FGF7: variants seen among roughly 807,000 people sequenced by gnomAD.
The protein encoded by FGF7 is fibroblast growth factor 7, also known as FGF-7.
FGF7 carries 6 observed loss-of-function variants against 20.5 expected under a neutral mutation model. The observed-to-expected ratio is 0.29, with a 90% confidence interval of 0.16 to 0.58. The LOEUF (loss-of-function observed/expected upper bound fraction) is 0.58. Among genes scored for constraint, FGF7 ranks in the 20% least tolerant of loss-of-function variants. The pLI is 0.90. For missense variants in FGF7, 144 were observed against 228.8 expected (o/e 0.63, Z 2.39); for synonymous variants, 64 against 74.7 (o/e 0.86, Z 0.74).
intron 2 of FGF7, among the ~76,000 whole-genome samples, chr15:49,441,830 C>T (rs924856973): frequency 2.0e-5 from 3 of 151,336 alleles, no homozygotes; most frequent in Admixed American, 6.6e-5. Flanking sequence ...CTATCAGTCA[C>T]ATGACTAATT....
chr15:49,466,601 A>G lies in FGF7; in HGVS notation c.287-16550A>G, dbSNP rs563022882. 1.2e-4 allele frequency among the ~76,000 whole-genome samples: 18 copies of G among 152,284 alleles called. No individual in the cohort carries two copies. In the South Asian group the frequency reaches 3.5e-3, roughly 30 times the overall value. On this transcript the variant is annotated intron_variant, in intron 2 of 3. Transcript: ENST00000267843. ...TAACATATATCTTATGAATACATAA[A>G]GGGTTAAAGTCAGAAGGGCTGGAGG...
At chr15:49,461,940 C>T (rs2053835607) in intron 2 of FGF7, among the ~76,000 whole-genome samples, 1 of 152,138 alleles carries the variant, frequency 6.6e-6, no homozygotes, top group Non-Finnish European at 1.5e-5. Flanking sequence ...GAGGCCGAAG[C>T]AGGCAGATTA....
intron 2 of FGF7, among the ~76,000 whole-genome samples, chr15:49,442,082 TA>T (rs1236859643): frequency 6.6e-6 from 1 of 151,656 alleles, no homozygotes; most frequent in Non-Finnish European, 1.5e-5. Context: ...TAAGAAGCAA[TA>T]AAAACTTCAG....
intron 2 of FGF7, among the ~76,000 whole-genome samples, chr15:49,441,729 CTTA>C (rs2051666446): frequency 6.6e-6 from 1 of 151,436 alleles, no homozygotes; most frequent in Non-Finnish European, 1.5e-5. Context: ...ATTCATAATT[CTTA>C]TTCTTTATTA....
chr15:49,436,840 T>C (rs2051151229), intron 2 of FGF7, among the ~76,000 whole-genome samples: 1 of 151,714 alleles, frequency 6.6e-6, no homozygotes, highest in Admixed American at 6.6e-5. Flanking sequence ...TATCAAGCAG[T>C]GGGATAATTT....
intron 2 of FGF7, among the ~76,000 whole-genome samples, chr15:49,459,192 T>C (rs993528875): frequency 2.6e-5 from 4 of 151,786 alleles, no homozygotes; most frequent in East Asian, 1.9e-4. Flanking sequence ...CACATTGTAA[T>C]TGATGTGCAG....
intron 2 of FGF7, among the ~76,000 whole-genome samples, chr15:49,443,350 C>T (rs531652704): frequency 2.1e-4 from 32 of 151,128 alleles, no homozygotes; most frequent in African/African-American, 7.3e-4. Flanking sequence ...TAATGGTATG[C>T]GTCTGTATAT....
At chr15:49,465,356 G>A (rs917399351) in intron 2 of FGF7, among the ~76,000 whole-genome samples, 21 of 149,680 alleles carry the variant, frequency 1.4e-4, no homozygotes, top group Admixed American at 3.3e-4. Context: ...CAGGCTGCTC[G>A]AACTCCTGAG....
At chr15:49,473,123 A>G (rs2054932365) in intron 2 of FGF7, among the ~76,000 whole-genome samples, 2 of 152,076 alleles carry the variant, frequency 1.3e-5, no homozygotes, top group Admixed American at 1.3e-4. Context: ...ACATTTTTGT[A>G]TTTTTTCAAT....
intron 2 of FGF7, among the ~76,000 whole-genome samples, chr15:49,440,188 C>G (rs1287732346): frequency 6.6e-6 from 1 of 151,726 alleles, no homozygotes. Flanking sequence ...TTTAGTTAAA[C>G]CCACTGTGTA....
chr15:49,424,179 T>C lies in FGF7; in HGVS notation c.-119T>C, dbSNP rs531184431. 5 of 905,918 alleles carry C rather than the reference T, an allele frequency of 5.5e-6. No homozygotes were observed. Among genetic ancestry groups the C allele is most frequent in the Non-Finnish European group, 8.4e-6 (5 of 592,234 alleles). 56.1% of individuals were successfully genotyped at this position (905,918 alleles called of 1,614,324 possible). The stretch of plus-strand genomic sequence containing the variant: ...CTAACAATTTGGAAAGAGCAACTAC[T>C]CTTTCTTAAATCAATCTACAATTCA... On this transcript the variant is annotated 5_prime_UTR_variant, in exon 2 of 4. Transcript: ENST00000267843.
At chr15:49,432,137 A>G (rs180768729) in intron 2 of FGF7, among the ~76,000 whole-genome samples, 174 of 151,860 alleles carry the variant, frequency 1.1e-3, no homozygotes, top group African/African-American at 4.0e-3. Flanking sequence ...CACATTTGTT[A>G]TATTCTATTG....
intron 2 of FGF7, among the ~76,000 whole-genome samples, chr15:49,451,123 C>T (rs74012380): frequency 6.6e-6 from 1 of 152,020 alleles, no homozygotes; most frequent in African/African-American, 2.4e-5. Flanking sequence ...AAACCAATTT[C>T]CTTTAGGGTT....
chr15:49,485,434 T>C lies in FGF7; in HGVS notation c.*930T>C, dbSNP rs185098313. Reference sequence around the variant, plus strand: ...ATTAAACTCTATTTTAAGTTGTTTTTGAACTTTATTGTTTTGTTATTTAAG... The same window carrying C: ...ATTAAACTCTATTTTAAGTTGTTTTCGAACTTTATTGTTTTGTTATTTAAG... On this transcript the variant is annotated 3_prime_UTR_variant, in exon 4 of 4. Transcript: ENST00000267843. 6.6e-6 allele frequency: 1 copy of C among 152,456 alleles called. No individual in the cohort carries two copies. The highest frequency in any genetic ancestry group is 1.9e-4 in the East Asian group (1 of 5,178). 9.4% of individuals were successfully genotyped at this position (152,456 alleles called of 1,614,324 possible). A position where few individuals can be genotyped will look rare whatever the true frequency, so the allele number is the denominator to read the frequency against.
chr15:49,470,600 A>T (rs1423270381), intron 2 of FGF7, among the ~76,000 whole-genome samples: 2 of 151,962 alleles, frequency 1.3e-5, no homozygotes, highest in African/African-American at 2.4e-5. Flanking sequence ...TGTGTTTGAA[A>T]TGATATTTGA....
chr15:49,483,151 A>T lies in FGF7; in HGVS notation c.287A>T (p.Asn96Ile). 1 of 1,527,026 alleles carries T rather than the reference A, an allele frequency of 6.5e-7. No homozygotes were observed. 94.6% of individuals were successfully genotyped at this position (1,527,026 alleles called of 1,614,324 possible). Residue 96 changes from asparagine (N) to isoleucine (I), a missense_variant and splice_region_variant, in exon 3 of 4, where the codon AAT becomes ATT. Asn to Ile is a moderately radical substitution (Grantham distance 149). This residue lies in a region of FGF7 where 56 missense variants were observed against 125.4 expected (regional missense o/e 0.45). Transcript: ENST00000267843. ...KGTQEMKNNY[N>I]IMEIRTVAVG... The stretch of plus-strand genomic sequence containing the variant: ...CATGTCTTTCTGTGATTCCTTGCAG[A>T]TATCATGGAAATCAGGACAGTGGCA...
intron 1 of FGF7, among the ~76,000 whole-genome samples, chr15:49,423,734 T>C (rs374134547): frequency 6.6e-6 from 1 of 152,252 alleles, no homozygotes; most frequent in East Asian, 1.9e-4. Flanking sequence ...TAGCAGTAAT[T>C]GTAAAAACTT....
At chr15:49,447,878 T>C (rs931852714) in intron 2 of FGF7, among the ~76,000 whole-genome samples, 10 of 151,682 alleles carry the variant, frequency 6.6e-5, no homozygotes, top group African/African-American at 2.2e-4. Flanking sequence ...GTTTGACTTT[T>C]GTTTTTCATG....
rs1463701546 is a variant in FGF7, at chr15:49,430,781, G to GT, written c.286+6200dup. On this transcript the variant is annotated intron_variant, in intron 2 of 3. Coordinates refer to ENST00000267843, the MANE Select transcript of FGF7 (RefSeq NM_002009.4). ...AAAATGACATTAATCTATTCAGGAG[G>GT]TTGAAGCCTTCATGGCCTAATCACC... is the stretch of plus-strand genomic sequence containing the variant. 4.0e-5 allele frequency among the ~76,000 whole-genome samples: 6 copies of GT among 151,780 alleles called. No homozygotes were observed. The East Asian group carries it at 9.8e-4, about 25-fold the overall frequency.
Sources: gnomAD v4.1 joint callset for allele counts (sites outside exome capture counted in the v4.1 genomes callset) on GRCh38, gnomAD v4.1.1 for gene constraint, gnomAD v4.1.1 regional missense constraint, MANE v1.5 for transcripts, NCBI Gene and HGNC (gene_info 2026-07-23, HGNC 2026-07-21) for gene names.